The following STARD9 variants were observed in gnomAD, a reference collection of about 807,000 sequenced individuals.
STARD9 encodes the protein StAR related lipid transfer domain containing 9, also known as stAR-related lipid transfer protein 9.
In STARD9, 346 loss-of-function variants were observed where a neutral mutation model predicts 399.8. The ratio of observed to expected loss-of-function variants is 0.87; its 90% CI spans 0.79 to 0.95. The LOEUF is 0.95. Ranked by LOEUF, STARD9 falls within the 40% of genes least tolerant of loss-of-function variation. The pLI, the probability that STARD9 is intolerant of heterozygous loss-of-function variation, is 0.00. For missense variants in STARD9, 5,832 were observed against 5,667.5 expected (o/e 1.03, Z -0.93); for synonymous variants, 2,203 against 2,143.5 (o/e 1.03, Z -0.77).
At position 42,692,242 on chromosome 15, in the gene STARD9, G is replaced by A; in HGVS notation, c.10664G>A (p.Trp3555Ter). The part of the protein sequence containing the change: ...TENAQGSNEA[W>*]EVFRGSSSIA... ...AATGCCCAGGGTTCAAATGAGGCCT[G>A]GGAAGTATTCCGAGGGAGTTCTTCA... The change falls in exon 23 of 33, where the codon TGG (tryptophan) becomes TAG (stop). Residue 3555 changes from tryptophan (W) to a stop codon, truncating the protein, a stop_gained. Transcript: ENST00000290607. LOFTEE classifies it high-confidence loss of function. The A allele has an allele frequency of 6.5e-7, 1 of 1,537,046 alleles. No homozygotes were observed. The highest frequency in any genetic ancestry group is 8.7e-7 in the Non-Finnish European group (1 of 1,146,892).
rs893939048 is a variant in STARD9, at chr15:42,637,851, G to T, written c.352-56G>T. On this transcript the variant is annotated intron_variant, in intron 4 of 32. Transcript: ENST00000290607. ...TGAGGATGGTTCCTGGGTATTCTGT[G>T]GGGGAGAGCATCATCTTAAGTAAAC... 5.3e-6 allele frequency: 8 copies of T among 1,518,658 alleles called. No homozygotes were observed. The East Asian group carries it at 1.2e-4, about 23-fold the overall frequency. 94.1% of individuals were successfully genotyped at this position (1,518,658 alleles called of 1,614,324 possible). A position where few individuals can be genotyped will look rare whatever the true frequency, so the allele number is the denominator to read the frequency against.
In STARD9 at chr15:42,575,854, A is replaced by G. The variant is rs974753805; in HGVS notation, c.47+92A>G. Reference sequence around the variant, plus strand: ...TCCCCCTGCAGAGATTCTGGCGCGCAGAAATCGGTGACAAAGTGACCCGGG... The same window carrying G: ...TCCCCCTGCAGAGATTCTGGCGCGCGGAAATCGGTGACAAAGTGACCCGGG... On this transcript the variant is annotated intron_variant, in intron 1 of 32. Coordinates refer to ENST00000290607, the MANE Select transcript of STARD9 (RefSeq NM_020759.3). 5.1e-5 allele frequency: 71 copies of G among 1,396,772 alleles called. No individual in the cohort carries two copies. In the African/African-American group the frequency reaches 6.3e-4, roughly 12 times the overall value. The allele number at this position is 1,396,772 out of a possible 1,614,324, so 86.5% of individuals were successfully genotyped here.
At chr15:42,680,631 G>T (rs997216964) in intron 20 of STARD9, among the ~76,000 whole-genome samples, 3 of 152,178 alleles carry the variant, frequency 2.0e-5, no homozygotes, top group African/African-American at 7.2e-5. Context: ...TTTTTTGTAA[G>T]CTTTTTATTA....
intron 3 of STARD9, among the ~76,000 whole-genome samples, chr15:42,601,174 G>A (rs898284446): frequency 2.0e-5 from 3 of 151,998 alleles, no homozygotes; most frequent in Admixed American, 1.3e-4. Context: ...CAGAGAGCAC[G>A]GGTTGGGGGT....
chr15:42,636,580 C>T (rs933851612), intron 4 of STARD9, among the ~76,000 whole-genome samples: 2 of 150,982 alleles, frequency 1.3e-5, no homozygotes, highest in Non-Finnish European at 3.0e-5. Context: ...GACTTTGTCT[C>T]AAAAAAATAA....
chr15:42,708,869 C>T (rs1270116942), intron 26 of STARD9, among the ~76,000 whole-genome samples: 2 of 152,012 alleles, frequency 1.3e-5, no homozygotes, highest in Admixed American at 6.6e-5. Context: ...GTGATTTGCC[C>T]TTCTGAAGGT....
chr15:42,586,941 T>G (rs2058289137), intron 3 of STARD9, among the ~76,000 whole-genome samples: 1 of 152,034 alleles, frequency 6.6e-6, no homozygotes, highest in Non-Finnish European at 1.5e-5. Context: ...TTCAGCCTCT[T>G]TCTTCTGGGC....
At position 42,608,531 on chromosome 15, in the gene STARD9, A is replaced by C. The variant is rs575836549; in HGVS notation, c.234+22894A>C. 3.3e-5 allele frequency among the ~76,000 whole-genome samples: 5 copies of C among 152,340 alleles called. No individual in the cohort carries two copies. The South Asian group carries it at 8.3e-4, about 25-fold the overall frequency. ...TATTAAAAACAGGAAATTTGCTCCT[A>C]GCAGCCTGATTGCAGGAAAAGTTTT... is the stretch of plus-strand genomic sequence containing the variant. On this transcript the variant is annotated intron_variant, in intron 3 of 32. Transcript: ENST00000290607.
At chr15:42,669,955 G>A (rs2060173612) in intron 16 of STARD9, 1 of 152,278 alleles carries the variant, frequency 6.6e-6, no homozygotes, top group African/African-American at 2.4e-5. Flanking sequence ...GGAGGCTGAG[G>A]CAGGAGAATC....
In STARD9 at chr15:42,691,399, C is replaced by A; in HGVS notation, c.9821C>A (p.Ser3274Tyr). Residue 3274 changes from serine to tyrosine, a missense_variant, in exon 23 of 33, where the codon TCC becomes TAC. This residue lies in a region of STARD9 where 5,828 missense variants were observed against 5,651.1 expected (regional missense o/e 1.03). Coordinates refer to ENST00000290607, the MANE Select transcript of STARD9 (RefSeq NM_020759.3). The part of the protein sequence containing the change: ...SQGFKDPATV[S>Y]LRQNETPQPA... ...GGCTTCAAAGACCCAGCCACTGTGT[C>A]CTTGAGGCAAAATGAAACACCGCAG... 1 of 1,537,258 alleles carries A rather than the reference C, an allele frequency of 6.5e-7. No individual in the cohort carries two copies. The highest frequency in any genetic ancestry group is 8.7e-7 in the Non-Finnish European group (1 of 1,146,908).
intron 26 of STARD9, among the ~76,000 whole-genome samples, chr15:42,707,895 C>T (rs2140367203): frequency 6.6e-6 from 1 of 151,592 alleles, no homozygotes; most frequent in East Asian, 1.9e-4. Context: ...ATTTGAGAGC[C>T]AGACACGGTG....
chr15:42,691,903 G>T lies in STARD9; in HGVS notation c.10325G>T (p.Gly3442Val). Residue 3442 changes from glycine (G) to valine (V), a missense_variant, in exon 23 of 33, where the codon GGT becomes GTT. By Grantham distance (109) the Gly-to-Val change is moderately radical (BLOSUM62 -3). This residue lies in a region of STARD9 where 5,828 missense variants were observed against 5,651.1 expected (regional missense o/e 1.03). Coordinates refer to ENST00000290607, the MANE Select transcript of STARD9 (RefSeq NM_020759.3). Reference sequence around the variant, plus strand: ...CAACAGGGAAAGCGAGAGAAACTGGGTGTCCAGGTTAGGCCAGAAAATTGG... The same window carrying T: ...CAACAGGGAAAGCGAGAGAAACTGGTTGTCCAGGTTAGGCCAGAAAATTGG... Reference protein sequence around the residue: ...QAQQGKREKLGVQVRPENWCS... With the variant: ...QAQQGKREKLVVQVRPENWCS... The T allele has an allele frequency of 6.5e-7, 1 of 1,537,288 alleles. No homozygotes were observed. Among genetic ancestry groups the T allele is most frequent in the Non-Finnish European group, 8.7e-7 (1 of 1,146,916 alleles).
chr15:42,665,969 ATGTT>A (rs2060093480), intron 15 of STARD9, 121 bp downstream of exon 15: 12 of 815,670 alleles, frequency 1.5e-5, no homozygotes, highest in Non-Finnish European at 2.4e-5. Flanking sequence ...TTTAAATACA[ATGTT>A]TGTTTCCTTT....
In STARD9 at chr15:42,682,501, T is replaced by C. The variant is rs1319716174; in HGVS notation, c.2463T>C (p.Cys821=). 6.5e-7 allele frequency: 1 copy of C among 1,537,088 alleles called. No homozygotes were observed. Among genetic ancestry groups the C allele is most frequent in the Non-Finnish European group, 8.7e-7 (1 of 1,146,902 alleles). The change falls in exon 22 of 33, where the codon TGT becomes TGC. Residue 821 remains cysteine (C), a synonymous_variant. Transcript: ENST00000290607. ...ATGCCACAGTCCCACGGCCTCCATG[T>C]AGAAGCAAATTGACGAGTTGCAGTT... ...SPDATVPRPP[C]RSKLTSCSSL... is the part of the protein sequence containing the mutation.
intron 7 of STARD9, among the ~76,000 whole-genome samples, chr15:42,640,322 A>T (rs1225141069): frequency 2.6e-5 from 4 of 152,296 alleles, no homozygotes; most frequent in Middle Eastern, 3.4e-3. Flanking sequence ...TAGGTATGCT[A>T]GTGACTGATT....
intron 3 of STARD9, among the ~76,000 whole-genome samples, chr15:42,603,932 T>C (rs1022337389): frequency 3.3e-5 from 5 of 152,148 alleles, no homozygotes; most frequent in Non-Finnish European, 7.3e-5. Context: ...TTAAGAATCT[T>C]GTGATCCCTG....
intron 15 of STARD9, among the ~76,000 whole-genome samples, chr15:42,666,866 G>C (rs1349973814): frequency 1.3e-5 from 2 of 152,090 alleles, no homozygotes; most frequent in African/African-American, 4.8e-5. Context: ...CCAGGCTGGA[G>C]TGCAGCGTTG....
Position 42,643,759 on chromosome 15 carries a change from T to C in STARD9, c.559+4947T>C, listed in dbSNP as rs183794720. ...GATCTGCCTGCCTTGGCCACCTCTT[T>C]TGTAGTATATTTATTTATAGCTATA... On this transcript the variant is annotated intron_variant, in intron 7 of 32. Coordinates refer to ENST00000290607, the MANE Select transcript of STARD9 (RefSeq NM_020759.3). Among the ~76,000 whole-genome samples, 634 of 152,294 alleles carry C rather than the reference T, an allele frequency of 4.2e-3. 3 individuals carry two copies. Among genetic ancestry groups the C allele is most frequent in the African/African-American group, 0.015 (608 of 41,578 alleles).
intron 26 of STARD9, among the ~76,000 whole-genome samples, chr15:42,716,293 C>T (rs2061348297): frequency 6.6e-6 from 1 of 152,130 alleles, no homozygotes; most frequent in East Asian, 1.9e-4. Context: ...ACATTTATTA[C>T]CCCGTTAAAC....
Sources: allele counts gnomAD v4.1 joint callset (sites outside exome capture counted in the v4.1 genomes callset), GRCh38; gene constraint gnomAD v4.1.1; regional missense constraint gnomAD v4.1.1; transcripts MANE v1.5; gene names NCBI Gene and HGNC (gene_info 2026-07-23, HGNC 2026-07-21).